PCDHGB4: variants seen among roughly 807,000 people sequenced by gnomAD.
PCDHGB4 encodes protocadherin gamma subfamily B, 4.
PCDHGB4 carries 38 observed loss-of-function variants against 60.5 expected under a neutral mutation model. The ratio of observed to expected loss-of-function variants is 0.63; its 90% CI spans 0.48 to 0.82. The LOEUF is 0.82. PCDHGB4 is among the 40% of genes least tolerant of loss of function. The pLI is 0.00. For synonymous variants in PCDHGB4, 456 were observed against 509.7 expected (o/e 0.89, Z 1.42); for missense variants, 1,109 against 1,209.6 (o/e 0.92, Z 1.23).
intron 1 of PCDHGB4, chr5:141,429,173 C>CA (rs1561839883): frequency 7.9e-6 from 1 of 125,872 alleles, no homozygotes; most frequent in Non-Finnish European, 1.7e-5. Flanking sequence ...TGTTTATACA[C>CA]ACACACACAC....
Position 141,477,383 on chromosome 5 carries a change from T to A in PCDHGB4, c.2398-17424T>A. 6.2e-7 allele frequency: 1 copy of A among 1,614,102 alleles called. No homozygotes were observed. Among genetic ancestry groups the A allele is most frequent in the Non-Finnish European group, 8.5e-7 (1 of 1,180,006 alleles). On this transcript the variant is annotated intron_variant, in intron 1 of 3. Transcript: ENST00000519479. This position sits in a 1 kb window ranked among gnomAD's most constrained non-coding sequence, Gnocchi z 4.9. Reference sequence around the variant, plus strand: ...CCTGGATCGGGAGACTGTGCCAGAATACAACCTCAGCATCACCGCCCGAGA... The same window carrying A: ...CCTGGATCGGGAGACTGTGCCAGAAAACAACCTCAGCATCACCGCCCGAGA...
In PCDHGB4 at chr5:141,432,647, C is replaced by T; in HGVS notation, c.2397+42366C>T. On this transcript the variant is annotated intron_variant, in intron 1 of 3. Coordinates refer to ENST00000519479, the MANE Select transcript of PCDHGB4 (RefSeq NM_003736.4). This position sits in a 1 kb window ranked among gnomAD's most constrained non-coding sequence, Gnocchi z 6.0. ...GCACACGGGCGAGGTGCGCACGGCG[C>T]GAGCCCTGCTGGACAGAGACGCGCT... 3 of 1,613,796 alleles carry T rather than the reference C, an allele frequency of 1.9e-6. No homozygotes were observed. Among genetic ancestry groups the T allele is most frequent in the Admixed American group, 1.7e-5 (1 of 60,008 alleles).
intron 1 of PCDHGB4, among the ~76,000 whole-genome samples, chr5:141,463,049 T>C (rs529642816): frequency 3.9e-4 from 60 of 152,326 alleles, no homozygotes; most frequent in African/African-American, 1.3e-3. Context: ...CAGCAGGGTC[T>C]CTTTATTATG....
rs764434052 is a variant in PCDHGB4, at chr5:141,431,792, C to T, written c.2397+41511C>T. ...TGTTCTGGACGTGAACGACAATGCC[C>T]CAGAAGTGGTCCTCACCTCTCTCGC... is the stretch of plus-strand genomic sequence containing the variant. On this transcript the variant is annotated intron_variant, in intron 1 of 3. Transcript: ENST00000519479. This position sits in a 1 kb window ranked among gnomAD's most constrained non-coding sequence, Gnocchi z 4.8. The T allele has an allele frequency of 3.7e-6, 6 of 1,614,234 alleles. No homozygotes were observed. The South Asian group carries it at 6.6e-5, about 18-fold the overall frequency.
intron 1 of PCDHGB4, among the ~76,000 whole-genome samples, chr5:141,466,493 A>G (rs2099123402): frequency 6.6e-6 from 1 of 152,226 alleles, no homozygotes; most frequent in South Asian, 2.1e-4. Context: ...TTCTTTAATT[A>G]GAGCACAGAC....
At chr5:141,421,702 A>G (rs2096594027) in intron 1 of PCDHGB4, 1 of 1,613,950 alleles carries the variant, frequency 6.2e-7, no homozygotes, top group Non-Finnish European at 8.5e-7. Context: ...TCCTAATGCT[A>G]GGGATCCAGA....
chr5:141,491,438 G>A lies in PCDHGB4; in HGVS notation c.2398-3369G>A, dbSNP rs376927300. The A allele has an allele frequency of 3.7e-6, 6 of 1,614,066 alleles. No homozygotes were observed. Among genetic ancestry groups the A allele is most frequent in the Admixed American group, 1.7e-5 (1 of 60,016 alleles). On this transcript the variant is annotated intron_variant, in intron 1 of 3. Coordinates refer to ENST00000519479, the MANE Select transcript of PCDHGB4 (RefSeq NM_003736.4). This position sits in a 1 kb window ranked among gnomAD's most constrained non-coding sequence, Gnocchi z 6.9. ...GGGGGTGGAGGGCAGTGCTGCAGGC[G>A]CCAGGACTCACCCTCCCCGGACTTC...
chr5:141,462,818 C>T (rs1280335120), intron 1 of PCDHGB4, among the ~76,000 whole-genome samples: 1 of 152,120 alleles, frequency 6.6e-6, no homozygotes, highest in East Asian at 1.9e-4. Flanking sequence ...TTTTATTGGA[C>T]AGCAGACATT....
intron 1 of PCDHGB4, chr5:141,478,721 C>A: frequency 6.5e-7 from 1 of 1,543,216 alleles, no homozygotes; most frequent in Non-Finnish European, 8.8e-7. Context: ...TGGTGGCCTG[C>A]CAGAGTGTGG....
rs780436102 is a variant in PCDHGB4 at position 141,431,846 on chromosome 5, G to T, written c.2397+41565G>T. On this transcript the variant is annotated intron_variant, in intron 1 of 3. Coordinates refer to ENST00000519479, the MANE Select transcript of PCDHGB4 (RefSeq NM_003736.4). The surrounding 1 kb of genome is among the most constrained non-coding windows in gnomAD (Gnocchi z 4.8). ...CTCGGTTCCCGAAAACTCTCCCAGA[G>T]GGACATTAATTGCCCTTTTAAATGT... 4 of 1,614,274 alleles carry T rather than the reference G, an allele frequency of 2.5e-6. No homozygotes were observed. The South Asian group carries it at 4.4e-5, about 18-fold the overall frequency.
At chr5:141,424,723 T>A (rs2096836963) in intron 1 of PCDHGB4, 2 of 152,144 alleles carry the variant, frequency 1.3e-5, no homozygotes, top group African/African-American at 4.8e-5. Context: ...TAGTTGGGAG[T>A]CATAGATTCC....
chr5:141,417,942 C>A (rs1324501154), intron 1 of PCDHGB4: 19 of 1,613,208 alleles, frequency 1.2e-5, no homozygotes, highest in Non-Finnish European at 1.5e-5. Flanking sequence ...TTCTACCCCA[C>A]GCTGTGTGAG....
chr5:141,394,080 A>G (rs766939528), intron 1 of PCDHGB4: 2 of 1,613,920 alleles, frequency 1.2e-6, no homozygotes, highest in Non-Finnish European at 1.7e-6. Flanking sequence ...TATCACAGTG[A>G]TGGCCTCAGA....
At chr5:141,413,445 C>G (rs764464917) in intron 1 of PCDHGB4, 105 of 1,613,986 alleles carry the variant, frequency 6.5e-5, no homozygotes, top group Non-Finnish European at 8.5e-5. Context: ...GCTTGATCAC[C>G]GCGGGCAGGA....
chr5:141,403,405 T>A, intron 1 of PCDHGB4: 4 of 1,614,060 alleles, frequency 2.5e-6, no homozygotes, highest in Non-Finnish European at 3.4e-6. Flanking sequence ...CTGGAGCACG[T>A]TATCCACTTC....
chr5:141,411,192 G>C (rs2095472836), intron 1 of PCDHGB4: 1 of 152,098 alleles, frequency 6.6e-6, no homozygotes, highest in African/African-American at 2.4e-5. Flanking sequence ...TGGCATCTAA[G>C]AAAACAAACA....
chr5:141,405,164 T>C, intron 1 of PCDHGB4: 1 of 1,614,076 alleles, frequency 6.2e-7, no homozygotes, highest in East Asian at 2.2e-5. Flanking sequence ...TGTGCCCACC[T>C]CACACTTTGT....
chr5:141,494,962 T>G (rs1644946600), intron 2 of PCDHGB4, 97 bp downstream of exon 2: 4 of 1,596,756 alleles, frequency 2.5e-6, no homozygotes, highest in Non-Finnish European at 3.4e-6. Context: ...TTGCTACAGA[T>G]GGCTTCTCCC....
At chr5:141,414,802 G>C (rs201378410) in intron 1 of PCDHGB4, 3 of 1,614,108 alleles carry the variant, frequency 1.9e-6, no homozygotes, top group Admixed American at 3.3e-5. Flanking sequence ...CGACAGCGGG[G>C]ATCCTCCACT....
Sources: allele counts gnomAD v4.1 joint callset (sites outside exome capture counted in the v4.1 genomes callset), GRCh38; gene constraint gnomAD v4.1.1; non-coding constraint Gnocchi (gnomAD v3.1); transcripts MANE v1.5; gene names NCBI Gene and HGNC (gene_info 2026-07-23, HGNC 2026-07-21).